Variants in OR9Q1 observed in about 807,000 individuals in gnomAD.
OR9Q1 encodes the protein olfactory receptor 9Q1.
For synonymous variants in OR9Q1, 153 were observed against 148.6 expected (o/e 1.03, Z -0.22); for missense variants, 374 against 378.8 (o/e 0.99, Z 0.11).
intron 2 of OR9Q1, among the ~76,000 whole-genome samples, chr11:58,089,002 G>T (rs1215767145): frequency 6.6e-6 from 1 of 151,620 alleles, no homozygotes; most frequent in African/African-American, 2.4e-5. Context: ...TCATCCTCCT[G>T]AGTAGCTGGG....
In OR9Q1 at chr11:58,077,102, T is replaced by C. The variant is rs796688282; in HGVS notation, c.-15+21155T>C. On this transcript the variant is annotated intron_variant, in intron 2 of 2. Transcript: ENST00000335397. ...AGGGTGGACAAGATGACTTTAAAAG[T>C]CACTTCCAATGTTGAGATTTCTATA... Among the ~76,000 whole-genome samples, 5 of 152,298 alleles carry C rather than the reference T, an allele frequency of 3.3e-5. No homozygotes were observed. The South Asian group carries it at 1.0e-3, about 32-fold the overall frequency.
chr11:58,045,343 C>A (rs1199567858), intron 1 of OR9Q1: 1 of 152,346 alleles, frequency 6.6e-6, no homozygotes, highest in African/African-American at 2.4e-5. Context: ...AGCGATTCTC[C>A]TGCCTCAGCC....
intron 2 of OR9Q1, among the ~76,000 whole-genome samples, chr11:58,160,051 T>C (rs1465392080): frequency 2.6e-5 from 4 of 152,206 alleles, no homozygotes; most frequent in Non-Finnish European, 4.4e-5. Flanking sequence ...CACTTTCACT[T>C]GGAATGTTTG....
chr11:58,147,984 C>T (rs1012661682), intron 2 of OR9Q1, among the ~76,000 whole-genome samples: 1 of 151,860 alleles, frequency 6.6e-6, no homozygotes, highest in Non-Finnish European at 1.5e-5. Flanking sequence ...AAGAACTAGG[C>T]TTTGGAATTA....
intron 1 of OR9Q1, chr11:58,031,490 C>A (rs200552813): frequency 1.9e-6 from 3 of 1,614,130 alleles, no homozygotes; most frequent in African/African-American, 1.3e-5. Context: ...TGTCATTGAC[C>A]ATTTCTCCTG....
intron 2 of OR9Q1, among the ~76,000 whole-genome samples, chr11:58,110,864 G>A (rs1853892971): frequency 6.6e-6 from 1 of 152,132 alleles, no homozygotes; most frequent in African/African-American, 2.4e-5. Flanking sequence ...GTGATCTCCA[G>A]GATGAAGTCC....
At chr11:58,144,079 C>A (rs1308193633) in intron 2 of OR9Q1, among the ~76,000 whole-genome samples, 4 of 151,470 alleles carry the variant, frequency 2.6e-5, no homozygotes, top group Non-Finnish European at 5.9e-5. Context: ...GCACAATGTA[C>A]AGGTTTGTTA....
chr11:58,029,426 C>G (rs548701308), intron 1 of OR9Q1, among the ~76,000 whole-genome samples: 1 of 152,138 alleles, frequency 6.6e-6, no homozygotes. Context: ...CATCACTTCC[C>G]CCTTATTCTG....
At chr11:58,076,829 T>C (rs1238912329) in intron 2 of OR9Q1, among the ~76,000 whole-genome samples, 1 of 152,068 alleles carries the variant, frequency 6.6e-6, no homozygotes, top group African/African-American at 2.4e-5. Context: ...TTTTAGGAAA[T>C]GTTATAATTT....
intron 2 of OR9Q1, among the ~76,000 whole-genome samples, chr11:58,066,701 C>T (rs941333638): frequency 1.3e-5 from 2 of 152,138 alleles, no homozygotes; most frequent in Non-Finnish European, 2.9e-5. Flanking sequence ...GGAAGGATGC[C>T]CTTCCCATCC....
At chr11:58,053,827 G>T (rs1590559722) in intron 1 of OR9Q1, among the ~76,000 whole-genome samples, 1 of 151,692 alleles carries the variant, frequency 6.6e-6, no homozygotes, top group East Asian at 1.9e-4. Context: ...AGCAGAAAAG[G>T]GAGTTTGCAC....
chr11:58,063,602 A>G (rs968322584), intron 2 of OR9Q1, among the ~76,000 whole-genome samples: 2 of 152,224 alleles, frequency 1.3e-5, no homozygotes, highest in Admixed American at 1.3e-4. Flanking sequence ...GACGATAGGT[A>G]CATATCACTC....
intron 1 of OR9Q1, chr11:58,031,711 C>G: frequency 2.5e-6 from 4 of 1,613,838 alleles, no homozygotes; most frequent in Non-Finnish European, 3.4e-6. Flanking sequence ...CTGTGGTGAG[C>G]CTCTTCTATG....
At position 58,180,458 on chromosome 11, in the gene OR9Q1, T is replaced by C; in HGVS notation, c.*81T>C. 1.2e-6 allele frequency: 1 copy of C among 833,326 alleles called. No homozygotes were observed. The highest frequency in any genetic ancestry group is 1.9e-6 in the Non-Finnish European group (1 of 533,438). The allele number at this position is 833,326 out of a possible 1,614,324, so 51.6% of individuals were successfully genotyped here. On this transcript the variant is annotated 3_prime_UTR_variant, in exon 3 of 3. Transcript: ENST00000335397. Reference sequence around the variant, plus strand: ...TGGACGCTCATTATTTATAGCATGCTCAATGTTTAAATGAATATATTATGG... The same window carrying C: ...TGGACGCTCATTATTTATAGCATGCCCAATGTTTAAATGAATATATTATGG...
chr11:58,031,350 C>T, intron 1 of OR9Q1: 2 of 1,614,176 alleles, frequency 1.2e-6, no homozygotes, highest in East Asian at 2.2e-5. Context: ...ATTTGTATGC[C>T]TCTCCACTAT....
chr11:58,126,706 G>A (rs1177088749), intron 2 of OR9Q1, among the ~76,000 whole-genome samples: 1 of 152,160 alleles, frequency 6.6e-6, no homozygotes, highest in East Asian at 1.9e-4. Context: ...AAATAACTGT[G>A]TGGTAAGAGT....
At chr11:58,143,715 C>T (rs912735203) in intron 2 of OR9Q1, among the ~76,000 whole-genome samples, 18 of 151,540 alleles carry the variant, frequency 1.2e-4, no homozygotes, top group African/African-American at 2.4e-4. Context: ...GGGCTGTAGG[C>T]GGGGGGGTGG....
At chr11:58,176,729 G>T (rs187661895) in intron 2 of OR9Q1, among the ~76,000 whole-genome samples, 1 of 152,296 alleles carries the variant, frequency 6.6e-6, no homozygotes, top group Non-Finnish European at 1.5e-5. Context: ...CACACATTGT[G>T]TGTGCATGTG....
At chr11:58,068,229 A>G (rs1021252577) in intron 2 of OR9Q1, among the ~76,000 whole-genome samples, 1 of 151,838 alleles carries the variant, frequency 6.6e-6, no homozygotes, top group African/African-American at 2.4e-5. Flanking sequence ...GTGCCTGTAA[A>G]TCCAGCTACT....
Sources: gnomAD v4.1 joint callset for allele counts (sites outside exome capture counted in the v4.1 genomes callset) on GRCh38, gnomAD v4.1.1 for gene constraint, MANE v1.5 for transcripts, NCBI Gene and HGNC (gene_info 2026-07-23, HGNC 2026-07-21) for gene names.